Variants in PDGFD observed in about 807,000 individuals in gnomAD.
PDGFD encodes platelet-derived growth factor D.
A neutral mutation model predicts 44.7 loss-of-function variants in PDGFD; 30 were observed. The observed-to-expected ratio is 0.67, with a 90% CI of 0.50 to 0.91. The LOEUF (loss-of-function observed/expected upper bound fraction) is 0.91. PDGFD is among the 40% of genes least tolerant of loss of function. The probability of loss-of-function intolerance (pLI) is 0.00; values close to 1 mark genes in which losing one functional copy is unlikely to be tolerated. For missense variants in PDGFD, 445 were observed against 457.8 expected, an observed-to-expected ratio of 0.97 and a Z score of 0.25; for synonymous variants, 173 against 168.4, an observed-to-expected ratio of 1.03 and a Z score of -0.21.
At chr11:103,930,430 A>G (rs1858383390) in intron 5 of PDGFD, among the ~76,000 whole-genome samples, 2 of 152,102 alleles carry the variant, frequency 1.3e-5, no homozygotes, top group South Asian at 4.1e-4. Flanking sequence ...GATCCTGGCC[A>G]TCTAGACTAC....
At chr11:103,915,470 A>T (rs1412484259) in intron 6 of PDGFD, among the ~76,000 whole-genome samples, 4 of 152,220 alleles carry the variant, frequency 2.6e-5, no homozygotes, top group African/African-American at 9.7e-5. Context: ...ATGGAAAAAC[A>T]TTCCATGCTC....
At chr11:104,070,733 T>C (rs965252665) in intron 1 of PDGFD, among the ~76,000 whole-genome samples, 1 of 152,188 alleles carries the variant, frequency 6.6e-6, no homozygotes, top group Non-Finnish European at 1.5e-5. Context: ...CCTTATTCTT[T>C]CCTTTTACAG....
chr11:104,095,204 A>G (rs150118943), intron 1 of PDGFD, among the ~76,000 whole-genome samples: 2 of 151,746 alleles, frequency 1.3e-5, no homozygotes, highest in Non-Finnish European at 2.9e-5. Context: ...AAATATATTT[A>G]TTTGTTTGTT....
intron 1 of PDGFD, among the ~76,000 whole-genome samples, chr11:104,082,956 C>T (rs908980734): frequency 1.3e-5 from 2 of 152,140 alleles, no homozygotes; most frequent in African/African-American, 4.8e-5. Flanking sequence ...CTGTCTCTTA[C>T]CACCACTATA....
At chr11:103,932,303 A>G (rs1858414827) in intron 5 of PDGFD, among the ~76,000 whole-genome samples, 1 of 152,156 alleles carries the variant, frequency 6.6e-6, no homozygotes, top group Non-Finnish European at 1.5e-5. Context: ...ATGAGCTATT[A>G]AACCTCTATT....
chr11:103,957,754 T>A (rs1384585754), intron 3 of PDGFD, among the ~76,000 whole-genome samples: 4 of 152,008 alleles, frequency 2.6e-5, no homozygotes, highest in Non-Finnish European at 5.9e-5. Flanking sequence ...TTAAAAGGGG[T>A]CATGAGAATG....
At chr11:104,059,222 T>C (rs1374546742) in intron 1 of PDGFD, among the ~76,000 whole-genome samples, 2 of 152,200 alleles carry the variant, frequency 1.3e-5, no homozygotes, top group Admixed American at 6.5e-5. Context: ...GGCTGTAAAA[T>C]ACTATTTGTG....
chr11:104,000,805 T>A (rs1391599509), intron 1 of PDGFD, among the ~76,000 whole-genome samples: 2 of 152,158 alleles, frequency 1.3e-5, no homozygotes, highest in Non-Finnish European at 2.9e-5. Flanking sequence ...TAATTTTGTG[T>A]CTTGGGTTTT....
intron 1 of PDGFD, among the ~76,000 whole-genome samples, chr11:104,049,795 G>C (rs2134405382): frequency 2.0e-5 from 3 of 152,306 alleles, no homozygotes; most frequent in East Asian, 3.9e-4. Context: ...GATGAGGTCT[G>C]AGAATTGATG....
At chr11:104,104,309 T>C (rs1486785294) in intron 1 of PDGFD, among the ~76,000 whole-genome samples, 4 of 152,122 alleles carry the variant, frequency 2.6e-5, no homozygotes, top group African/African-American at 7.2e-5. Flanking sequence ...AAAAATATTT[T>C]TATAAATTTA....
chr11:104,058,210 T>C, intron 1 of PDGFD, among the ~76,000 whole-genome samples: 1 of 152,304 alleles, frequency 6.6e-6, no homozygotes, highest in Middle Eastern at 3.4e-3. Flanking sequence ...AACTGAAAAG[T>C]TAAACCTCTG....
At chr11:104,077,609 C>G (rs532724784) in intron 1 of PDGFD, among the ~76,000 whole-genome samples, 1 of 152,170 alleles carries the variant, frequency 6.6e-6, no homozygotes, top group African/African-American at 2.4e-5. Context: ...TAAACATGTA[C>G]AGAGGAAGAA....
intron 1 of PDGFD, among the ~76,000 whole-genome samples, chr11:104,154,149 T>C (rs1304757816): frequency 1.3e-5 from 2 of 152,202 alleles, no homozygotes; most frequent in African/African-American, 4.8e-5. Context: ...AATATGACAC[T>C]GGTTTTATCT....
intron 1 of PDGFD, among the ~76,000 whole-genome samples, chr11:104,116,392 C>T (rs748435433): frequency 5.9e-5 from 9 of 151,820 alleles, no homozygotes; most frequent in South Asian, 2.1e-4. Context: ...GGTCTATGTG[C>T]CTATTTTTAT....
intron 3 of PDGFD, among the ~76,000 whole-genome samples, chr11:103,975,106 C>T (rs555426349): frequency 3.9e-5 from 6 of 152,320 alleles, no homozygotes; most frequent in African/African-American, 1.2e-4. Context: ...ATTTACACTC[C>T]CACCAACAGT....
At chr11:103,971,618 C>G (rs756094160) in intron 3 of PDGFD, among the ~76,000 whole-genome samples, 5 of 152,132 alleles carry the variant, frequency 3.3e-5, no homozygotes, top group African/African-American at 4.8e-5. Flanking sequence ...GGTATATATA[C>G]TTACATCTCA....
chr11:104,154,653 G>A (rs772518424), intron 1 of PDGFD, among the ~76,000 whole-genome samples: 1 of 152,140 alleles, frequency 6.6e-6, no homozygotes, highest in African/African-American at 2.4e-5. Context: ...TGAGGGAATG[G>A]AGCCAACAAG....
At chr11:103,946,772 T>C (rs1292450718) in intron 4 of PDGFD, among the ~76,000 whole-genome samples, 1 of 152,224 alleles carries the variant, frequency 6.6e-6, no homozygotes, top group African/African-American at 2.4e-5. Flanking sequence ...CTCCAATCTT[T>C]TGATCAGATG....
chr11:103,916,424 A>G (rs923059543), intron 6 of PDGFD, among the ~76,000 whole-genome samples: 1 of 152,254 alleles, frequency 6.6e-6, no homozygotes, highest in Non-Finnish European at 1.5e-5. Flanking sequence ...TGATCACTAA[A>G]AAGTCAGGAA....
Sources: gnomAD v4.1 joint callset for allele counts (sites outside exome capture counted in the v4.1 genomes callset) on GRCh38, gnomAD v4.1.1 for gene constraint, MANE v1.5 for transcripts, NCBI Gene and HGNC (gene_info 2026-07-23, HGNC 2026-07-21) for gene names.